MILR1: variants seen among roughly 807,000 people sequenced by gnomAD.
MILR1 encodes the protein allergin-1.
In MILR1, 31 loss-of-function variants were observed where a neutral mutation model predicts 18.5. The ratio of observed to expected loss-of-function variants is 1.68; its 90% CI spans 1.26 to 2.26. The LOEUF (loss-of-function observed/expected upper bound fraction) is 2.26. MILR1 is among the 30% of genes most tolerant of loss of function. The probability of loss-of-function intolerance (pLI) is 0.00; values close to 1 mark genes in which losing one functional copy is unlikely to be tolerated. For synonymous variants in MILR1, 85 were observed against 56.2 expected, an observed-to-expected ratio of 1.51 and a Z score of -2.30; for missense variants, 257 against 157.4, an observed-to-expected ratio of 1.63 and a Z score of -3.38.
At chr17:64,460,386 G>A (rs1010598683) in intron 4 of MILR1, among the ~76,000 whole-genome samples, 1 of 152,122 alleles carries the variant, frequency 6.6e-6, no homozygotes, top group Non-Finnish European at 1.5e-5. Flanking sequence ...CCCTCAGGCT[G>A]GAGTGCAGTG....
the MILR1 span, among the ~76,000 whole-genome samples, chr17:64,493,492 C>T: frequency 6.7e-6 from 1 of 148,180 alleles, no homozygotes; most frequent in Non-Finnish European, 1.5e-5. Flanking sequence ...TGAAGATTTT[C>T]TTTTTTTTTT....
intron 9 of MILR1, 47 bp from the exon 10 acceptor site, chr17:64,468,263 A>G (rs781874483): frequency 8.8e-6 from 4 of 452,808 alleles, no homozygotes; most frequent in South Asian, 6.2e-5. Flanking sequence ...CTCTGTCTTC[A>G]CGTGGCCTTT....
the MILR1 span, chr17:64,496,482 T>C: frequency 6.2e-7 from 1 of 1,611,582 alleles, no homozygotes; most frequent in Admixed American, 1.7e-5. Flanking sequence ...TGTTCCTTAC[T>C]CAGCTCTTTG....
At chr17:64,465,415 A>G (rs782269067) in intron 5 of MILR1, 37 bp from the exon 6 acceptor site, 1 of 1,446,332 alleles carries the variant, frequency 6.9e-7, no homozygotes, top group Non-Finnish European at 9.6e-7. Context: ...ATGTGGCTGA[A>G]TTGGTTTAAT....
At chr17:64,492,374 C>G in the MILR1 span, among the ~76,000 whole-genome samples, 1 of 152,104 alleles carries the variant, frequency 6.6e-6, no homozygotes, top group Non-Finnish European at 1.5e-5. Context: ...GAAGCTGTGA[C>G]AATGGTCAAG....
intron 2 of MILR1, 113 bp downstream of exon 2, chr17:64,449,468 C>A: frequency 2.4e-6 from 1 of 411,852 alleles, no homozygotes; most frequent in Non-Finnish European, 4.4e-6. Context: ...TATGAACAAC[C>A]AAAGAACAGT....
At chr17:64,455,224 A>G (rs1328271682) in intron 3 of MILR1, among the ~76,000 whole-genome samples, 3 of 152,104 alleles carry the variant, frequency 2.0e-5, no homozygotes, top group Non-Finnish European at 4.4e-5. Context: ...CCTTCCTGCA[A>G]TTTGTTAGGG....
the MILR1 span, among the ~76,000 whole-genome samples, chr17:64,476,006 C>T: frequency 1.3e-4 from 20 of 151,656 alleles, no homozygotes; most frequent in Non-Finnish European, 2.4e-4. Flanking sequence ...GTAGTTTCAC[C>T]ATGTTGGCCA....
the MILR1 span, among the ~76,000 whole-genome samples, chr17:64,474,250 T>A: frequency 6.6e-6 from 1 of 152,066 alleles, no homozygotes; most frequent in African/African-American, 2.4e-5. Context: ...AATTTTTGTA[T>A]TTGTAGAAGA....
the MILR1 span, among the ~76,000 whole-genome samples, chr17:64,481,680 C>G: frequency 6.6e-6 from 1 of 152,024 alleles, no homozygotes; most frequent in Non-Finnish European, 1.5e-5. Flanking sequence ...GGAGACCAGC[C>G]TGGCCAACAT....
the MILR1 span, among the ~76,000 whole-genome samples, chr17:64,476,112 A>G: frequency 6.6e-6 from 1 of 152,064 alleles, no homozygotes; most frequent in Admixed American, 6.6e-5. Flanking sequence ...ACTCAGTGCT[A>G]TTCTTATTTC....
chr17:64,491,435 T>C, the MILR1 span: 1 of 801,654 alleles, frequency 1.2e-6, no homozygotes, highest in Non-Finnish European at 2.0e-6. Context: ...TCTCTACAAA[T>C]AATAAAAGAA....
At chr17:64,473,401 T>C (rs2037721511), downstream of MILR1, among the ~76,000 whole-genome samples, 1 of 150,896 alleles carries the variant, frequency 6.6e-6, no homozygotes, top group East Asian at 1.9e-4. Context: ...TGCTTCTCCC[T>C]AAGGATTTAA....
chr17:64,480,723 C>G, the MILR1 span, among the ~76,000 whole-genome samples: 9 of 152,046 alleles, frequency 5.9e-5, no homozygotes, highest in Admixed American at 1.3e-4. Context: ...ACCAGGAGAT[C>G]CAAAGGGCTG....
the MILR1 span, among the ~76,000 whole-genome samples, chr17:64,493,680 GT>G: frequency 2.0e-5 from 3 of 152,186 alleles, no homozygotes; most frequent in South Asian, 6.2e-4. Context: ...TAGAGACGGG[GT>G]TTCACCGTGT....
chr17:64,459,302 T>C (rs1297399947), intron 4 of MILR1, among the ~76,000 whole-genome samples: 5 of 151,932 alleles, frequency 3.3e-5, no homozygotes, highest in Non-Finnish European at 7.4e-5. Flanking sequence ...GGTGTGGTGG[T>C]GCATGCCTGT....
chr17:64,482,170 C>A, the MILR1 span, among the ~76,000 whole-genome samples: 3 of 132,034 alleles, frequency 2.3e-5, no homozygotes, highest in African/African-American at 8.5e-5. Context: ...GTGCTGCGAT[C>A]TCGGCTCACT....
Position 64,453,536 on chromosome 17 carries a change from C to CTTTTTT in MILR1, c.367+686_367+691dup, listed in dbSNP as rs35572128. ...ATTCCCATTGTGTGGGCAAAAATCG[C>CTTTTTT]TTTTTTTTTTTTTTTTTTTTTCTGA... On this transcript the variant is annotated intron_variant, in intron 3 of 9. Transcript: ENST00000619286. Among the ~76,000 whole-genome samples, 25 of 101,036 alleles carry CTTTTTT rather than the reference C, an allele frequency of 2.5e-4. 2 individuals carry two copies. The highest frequency in any genetic ancestry group is 5.7e-4 in the African/African-American group (16 of 28,180). 66.3% of individuals were successfully genotyped at this position (101,036 alleles called of 152,430 possible).
chr17:64,450,991 A>C (rs1252821105), intron 2 of MILR1, among the ~76,000 whole-genome samples: 5 of 152,184 alleles, frequency 3.3e-5, no homozygotes, highest in Non-Finnish European at 7.3e-5. Context: ...GTCATAGGGC[A>C]TACACATTTA....
Sources: gnomAD v4.1 joint callset for allele counts (sites outside exome capture counted in the v4.1 genomes callset) on GRCh38, gnomAD v4.1.1 for gene constraint, MANE v1.5 for transcripts, NCBI Gene and HGNC (gene_info 2026-07-23, HGNC 2026-07-21) for gene names.